The following AOPEP variants were observed in gnomAD, a reference collection of about 807,000 sequenced individuals.
The protein encoded by AOPEP is aminopeptidase O (putative).
A neutral mutation model predicts 98.1 loss-of-function variants in AOPEP; 77 were observed. That is an observed-to-expected ratio of 0.78 (90% confidence interval 0.65 to 0.95). The LOEUF is 0.95. Among genes scored for constraint, AOPEP ranks in the 40% least tolerant of loss-of-function variants. The pLI is 0.00. For synonymous variants in AOPEP, 346 were observed against 365.3 expected (o/e 0.95, Z 0.60); for missense variants, 1,024 against 1,024.7 (o/e 1.00, Z 0.01).
the AOPEP span, among the ~76,000 whole-genome samples, chr9:95,144,905 A>G: frequency 6.6e-6 from 1 of 152,186 alleles, no homozygotes; most frequent in African/African-American, 2.4e-5. Context: ...AGGACCAAAC[A>G]TAACGCTCGG....
intron 11 of AOPEP, among the ~76,000 whole-genome samples, chr9:95,004,661 C>G (rs1462321808): frequency 6.6e-6 from 1 of 151,312 alleles, no homozygotes; most frequent in East Asian, 2.0e-4. Flanking sequence ...GCGGGCGGCG[C>G]GGGCCCCTCT....
intron 10 of AOPEP, among the ~76,000 whole-genome samples, chr9:94,973,515 C>T (rs187648396): frequency 3.9e-5 from 6 of 152,294 alleles, no homozygotes; most frequent in Admixed American, 1.3e-4. Context: ...TCTCCCCTGC[C>T]GTGTTAACTA....
intron 6 of AOPEP, 101 bp from the exon 7 acceptor site, chr9:94,928,324 G>T (rs2054703887): frequency 1.2e-6 from 1 of 805,846 alleles, no homozygotes; most frequent in South Asian, 1.7e-5. Flanking sequence ...AGCAGGGGCA[G>T]GCTATCTTGT....
At position 94,760,179 on chromosome 9, in the gene AOPEP, T is replaced by C. The variant is rs1837929453; in HGVS notation, c.396T>C (p.Cys132=). ...ASGISSSKYC[C]DTGNHGSEDF... Reference sequence around the variant, plus strand: ...GGATTTCTAGCTCAAAGTACTGCTGTGACACAGGGAATCATGGGAGTGAGG... The same window carrying C: ...GGATTTCTAGCTCAAAGTACTGCTGCGACACAGGGAATCATGGGAGTGAGG... The change falls in exon 2 of 17, where the codon TGT becomes TGC. Residue 132 remains cysteine, a synonymous_variant. Transcript: ENST00000375315. The C allele has an allele frequency of 1.2e-6, 2 of 1,614,220 alleles. No individual in the cohort carries two copies. Among genetic ancestry groups the C allele is most frequent in the South Asian group, 2.2e-5 (2 of 91,086 alleles).
chr9:94,941,011 A>C (rs1327960216), intron 7 of AOPEP, among the ~76,000 whole-genome samples: 5 of 152,254 alleles, frequency 3.3e-5, no homozygotes, highest in African/African-American at 1.2e-4. Flanking sequence ...AAGTGCAAGA[A>C]TGCCTGGTTA....
intron 3 of AOPEP, among the ~76,000 whole-genome samples, chr9:94,785,009 C>T (rs943094726): frequency 2.0e-5 from 3 of 152,178 alleles, no homozygotes; most frequent in Non-Finnish European, 4.4e-5. Flanking sequence ...TCTCAGCACA[C>T]TGCAAACTCC....
At chr9:94,979,210 T>G (rs1238304302) in intron 10 of AOPEP, among the ~76,000 whole-genome samples, 157 bp from the exon 11 acceptor site, 1 of 151,992 alleles carries the variant, frequency 6.6e-6, no homozygotes, top group African/African-American at 2.4e-5. Context: ...TGGGCTCCCT[T>G]CCACACTTCA....
At chr9:94,812,595 C>T (rs935748841) in intron 5 of AOPEP, among the ~76,000 whole-genome samples, 1 of 152,064 alleles carries the variant, frequency 6.6e-6, no homozygotes, top group South Asian at 2.1e-4. Context: ...ATGAGAATGA[C>T]TGGACCATGT....
intron 13 of AOPEP, among the ~76,000 whole-genome samples, chr9:95,009,204 T>C (rs1034555222): frequency 2.0e-5 from 3 of 151,858 alleles, no homozygotes; most frequent in Non-Finnish European, 4.4e-5. Flanking sequence ...AGGAATGCAC[T>C]TTTTTTTCTT....
chr9:95,005,520 T>C, intron 12 of AOPEP, 22 bp from the exon 13 acceptor site: 1 of 1,610,188 alleles, frequency 6.2e-7, no homozygotes, highest in Non-Finnish European at 8.5e-7. Context: ...TTCTTTGAAA[T>C]GCTGTGGTTT....
At chr9:94,756,439 C>G (rs1837069704) in intron 1 of AOPEP, among the ~76,000 whole-genome samples, 1 of 152,000 alleles carries the variant, frequency 6.6e-6, no homozygotes, top group Non-Finnish European at 1.5e-5. Context: ...TGGCATGCAC[C>G]TATGGTCCCA....
the AOPEP span, chr9:95,114,725 A>C: frequency 1.2e-6 from 2 of 1,611,632 alleles, no homozygotes; most frequent in Admixed American, 1.7e-5. Flanking sequence ...GGGTGGAGAG[A>C]GATACGTCAG....
intron 9 of AOPEP, among the ~76,000 whole-genome samples, chr9:94,961,849 T>G (rs1195681795): frequency 6.6e-6 from 1 of 152,258 alleles, no homozygotes; most frequent in East Asian, 1.9e-4. Flanking sequence ...TGTGTTAGTT[T>G]GCATGGTTGC....
the AOPEP span, among the ~76,000 whole-genome samples, chr9:95,121,916 G>A: frequency 2.0e-5 from 3 of 149,234 alleles, no homozygotes; most frequent in Non-Finnish European, 4.4e-5. Flanking sequence ...GGAGTGCAGT[G>A]GCGCAATCTC....
intron 5 of AOPEP, among the ~76,000 whole-genome samples, chr9:94,842,874 A>G (rs1027966753): frequency 6.6e-6 from 1 of 152,156 alleles, no homozygotes; most frequent in Non-Finnish European, 1.5e-5. Context: ...CATCATTCAA[A>G]TTATTCTTCC....
chr9:94,898,744 C>A (rs2049939671), intron 5 of AOPEP, among the ~76,000 whole-genome samples: 1 of 151,490 alleles, frequency 6.6e-6, no homozygotes, highest in South Asian at 2.1e-4. Context: ...GAGATCGAGA[C>A]CATCCTGGCT....
chr9:95,037,835 C>T (rs2064961389), intron 13 of AOPEP, among the ~76,000 whole-genome samples: 1 of 152,166 alleles, frequency 6.6e-6, no homozygotes, highest in African/African-American at 2.4e-5. Flanking sequence ...CTAATACATT[C>T]CTAAGGGCTT....
At chr9:95,094,460 G>A in the AOPEP span, among the ~76,000 whole-genome samples, 3 of 152,270 alleles carry the variant, frequency 2.0e-5, no homozygotes, top group Non-Finnish European at 2.9e-5. Context: ...CCAGTGAAAC[G>A]GGACCCATTC....
intron 9 of AOPEP, among the ~76,000 whole-genome samples, chr9:94,960,434 A>G (rs542249181): frequency 3.3e-5 from 5 of 151,648 alleles, no homozygotes; most frequent in African/African-American, 1.2e-4. Context: ...AAAGATGAGG[A>G]ATTAAATAGT....
Sources: allele counts gnomAD v4.1 joint callset (sites outside exome capture counted in the v4.1 genomes callset), GRCh38; gene constraint gnomAD v4.1.1; transcripts MANE v1.5; gene names NCBI Gene and HGNC (gene_info 2026-07-23, HGNC 2026-07-21).